Variants in ARHGAP6 observed in about 807,000 individuals in gnomAD.
The protein encoded by ARHGAP6 is Rho GTPase activating protein 6.
ARHGAP6 carries 16 observed loss-of-function variants against 55.7 expected under a neutral mutation model. That is an observed-to-expected ratio of 0.29 (90% CI 0.19 to 0.44). The LOEUF is 0.44. Ranked by LOEUF, ARHGAP6 falls within the 20% of genes least tolerant of loss-of-function variation. ARHGAP6 has a pLI of 1.00. For missense variants in ARHGAP6, 698 were observed against 808.9 expected (o/e 0.86, Z 1.66); for synonymous variants, 382 against 360.9 (o/e 1.06, Z -0.66).
intron 1 of ARHGAP6, among the ~76,000 whole-genome samples, chrX:11,527,856 C>G (rs2051006720): frequency 8.9e-6 from 1 of 112,113 alleles, no homozygotes; most frequent in African/African-American, 3.2e-5. Context: ...AATTTTCAAC[C>G]TTATTTTGCA....
intron 6 of ARHGAP6, 57 bp from the exon 7 acceptor site, chrX:11,179,509 G>A: frequency 2.6e-6 from 3 of 1,151,838 alleles, no homozygotes; most frequent in Non-Finnish European, 3.5e-6. Context: ...AATGAGCAGT[G>A]CCCAGCAGGA....
At chrX:11,613,614 T>C (rs2052128768) in intron 1 of ARHGAP6, among the ~76,000 whole-genome samples, 1 of 112,220 alleles carries the variant, frequency 8.9e-6, no homozygotes, top group Non-Finnish European at 1.9e-5. Context: ...AAAGGACAAA[T>C]GTGGAGTTTT....
At chrX:11,656,660 C>T (rs1268151343) in intron 1 of ARHGAP6, among the ~76,000 whole-genome samples, 1 of 111,577 alleles carries the variant, frequency 9.0e-6, no homozygotes, top group Non-Finnish European at 1.9e-5. Flanking sequence ...CCCTCTTTCT[C>T]TCTCTCTGCC....
chrX:11,656,429 C>A (rs920531118), intron 1 of ARHGAP6, among the ~76,000 whole-genome samples: 1 of 112,245 alleles, frequency 8.9e-6, no homozygotes, highest in African/African-American at 3.2e-5. Context: ...CTGACATATT[C>A]TCTTACAGTC....
intron 1 of ARHGAP6, among the ~76,000 whole-genome samples, chrX:11,655,392 G>A (rs938534642): frequency 9.0e-6 from 1 of 111,729 alleles, no homozygotes; most frequent in African/African-American, 3.3e-5. Context: ...TTTCTCTTAG[G>A]TATATACCCA....
At chrX:11,315,322 G>A (rs201425256) in intron 1 of ARHGAP6, among the ~76,000 whole-genome samples, 5 of 111,899 alleles carry the variant, frequency 4.5e-5, no homozygotes, top group East Asian at 5.6e-4. Flanking sequence ...CTCATAAGGA[G>A]CTTGCAACCA....
At chrX:11,327,149 A>T (rs933653913) in intron 1 of ARHGAP6, among the ~76,000 whole-genome samples, 1 of 112,348 alleles carries the variant, frequency 8.9e-6, no homozygotes, top group African/African-American at 3.2e-5. Context: ...ATTTTCCTAA[A>T]TGTCCAAGAT....
chrX:11,215,111 G>C (rs1305970388), intron 2 of ARHGAP6, among the ~76,000 whole-genome samples: 2 of 112,714 alleles, frequency 1.8e-5, no homozygotes, highest in Admixed American at 1.8e-4. Context: ...ATGTGCAGGG[G>C]TTGGGGAGTC....
chrX:11,250,126 T>C (rs1193445469), intron 2 of ARHGAP6, among the ~76,000 whole-genome samples: 1 of 112,126 alleles, frequency 8.9e-6, no homozygotes, highest in Non-Finnish European at 1.9e-5. Context: ...TTTTAATAAA[T>C]GGACAGGGTT....
At chrX:11,559,653 C>T (rs546480104) in intron 1 of ARHGAP6, among the ~76,000 whole-genome samples, 11 of 111,148 alleles carry the variant, frequency 9.9e-5, no homozygotes, top group Middle Eastern at 4.6e-3. Flanking sequence ...GAGGGCCGGG[C>T]GCGGTGGCTC....
intron 2 of ARHGAP6, among the ~76,000 whole-genome samples, chrX:11,215,553 C>A (rs1263739225): frequency 8.8e-6 from 1 of 113,032 alleles, no homozygotes; most frequent in Non-Finnish European, 1.9e-5. Context: ...CCCGATAGCT[C>A]TCCTTTCACA....
intron 1 of ARHGAP6, among the ~76,000 whole-genome samples, chrX:11,623,245 T>C (rs920774390): frequency 1.8e-5 from 2 of 111,598 alleles, no homozygotes; most frequent in African/African-American, 6.5e-5. Context: ...AGTTGTAGTA[T>C]ACAAAATCCA....
At chrX:11,418,277 GTT>G (rs1180143838) in intron 1 of ARHGAP6, among the ~76,000 whole-genome samples, 1 of 112,119 alleles carries the variant, frequency 8.9e-6, no homozygotes, top group African/African-American at 3.2e-5. Flanking sequence ...TGAAATGAGA[GTT>G]TTCTCTCTGC....
chrX:11,386,729 C>T (rs889534453), intron 1 of ARHGAP6, among the ~76,000 whole-genome samples: 3 of 111,652 alleles, frequency 2.7e-5, no homozygotes, highest in African/African-American at 9.8e-5. Context: ...AAAACGTGAG[C>T]ATGTCATCTA....
chrX:11,634,521 A>G (rs1432554553), intron 1 of ARHGAP6, among the ~76,000 whole-genome samples: 1 of 111,647 alleles, frequency 9.0e-6, no homozygotes, highest in Admixed American at 9.5e-5. Context: ...TGAAAGATGG[A>G]TGTATGAGGA....
At chrX:11,399,371 A>C (rs1023631322) in intron 1 of ARHGAP6, among the ~76,000 whole-genome samples, 7 of 109,188 alleles carry the variant, frequency 6.4e-5, no homozygotes, top group Admixed American at 4.9e-4. Context: ...AAAAAAAAAA[A>C]AAAAAACCAC....
intron 1 of ARHGAP6, among the ~76,000 whole-genome samples, chrX:11,385,650 T>C (rs1189117146): frequency 8.9e-6 from 1 of 111,967 alleles, no homozygotes; most frequent in African/African-American, 3.2e-5. Flanking sequence ...AAGTTTGCAA[T>C]CTCTGTTTAA....
intron 1 of ARHGAP6, among the ~76,000 whole-genome samples, chrX:11,534,900 A>G (rs1054197932): frequency 1.8e-5 from 2 of 111,413 alleles, no homozygotes; most frequent in Admixed American, 9.5e-5. Flanking sequence ...ATGTGGACTC[A>G]GCACCTTACA....
At chrX:11,577,016 C>A (rs1423987266) in intron 1 of ARHGAP6, among the ~76,000 whole-genome samples, 1 of 112,123 alleles carries the variant, frequency 8.9e-6, no homozygotes, top group Non-Finnish European at 1.9e-5. Context: ...ATCACACCTC[C>A]TTCTCTGAAT....
Sources: allele counts gnomAD v4.1 joint callset (sites outside exome capture counted in the v4.1 genomes callset), GRCh38; gene constraint gnomAD v4.1.1; transcripts MANE v1.5; gene names NCBI Gene and HGNC (gene_info 2026-07-23, HGNC 2026-07-21).